The following MET variants were observed in gnomAD, a reference collection of about 807,000 sequenced individuals.
The protein encoded by MET is MET proto-oncogene, receptor tyrosine kinase, also known as hepatocyte growth factor receptor.
A neutral mutation model predicts 133.1 loss-of-function variants in MET; 48 were observed. The ratio of observed to expected loss-of-function variants is 0.36; its 90% CI spans 0.29 to 0.46. MET has a LOEUF of 0.46. MET is among the 20% of genes least tolerant of loss of function. The pLI is 1.00. For synonymous variants in MET, 628 were observed against 616.5 expected, an observed-to-expected ratio of 1.02 and a Z score of -0.28; for missense variants, 1,442 against 1,695.9, an observed-to-expected ratio of 0.85 and a Z score of 2.63.
Position 116,763,218 on chromosome 7 carries a change from GA to G in MET, c.2537del (p.Lys846SerfsTer3). The G allele has an allele frequency of 6.2e-7, 1 of 1,613,954 alleles. No individual in the cohort carries two copies. Among genetic ancestry groups the G allele is most frequent in the Non-Finnish European group, 8.5e-7 (1 of 1,179,964 alleles). ...YVHNPVFKPF[E>X]KPVMISMGNE... is the part of the protein sequence containing the mutation. ...ACATAATCCTGTGTTTAAGCCTTTT[GA>G]AAAGCCAGTGATGATCTCAATGGGC... On this transcript the variant is annotated frameshift_variant, in exon 11 of 21. Transcript: ENST00000397752. LOFTEE classifies it high-confidence loss of function.
chr7:116,794,736 G>A (rs1795617341), intron 19 of MET, among the ~76,000 whole-genome samples: 2 of 152,108 alleles, frequency 1.3e-5, no homozygotes, highest in Non-Finnish European at 2.9e-5. Context: ...AGTGTTGCTG[G>A]GCCAGAACTG....
intron 10 of MET, among the ~76,000 whole-genome samples, chr7:116,761,808 C>T (rs1445611867): frequency 2.0e-5 from 3 of 152,002 alleles, no homozygotes; most frequent in Non-Finnish European, 4.4e-5. Context: ...GTTTTATCTG[C>T]TGCCTATATA....
In MET at chr7:116,714,158, C is replaced by A. The variant is rs182851669; in HGVS notation, c.1200+13874C>A. Among the ~76,000 whole-genome samples the A allele has an allele frequency of 1.7e-3, 255 of 152,298 alleles. 2 individuals are homozygous for A. The highest frequency in any genetic ancestry group is 5.8e-3 in the African/African-American group (243 of 41,568). On this transcript the variant is annotated intron_variant, in intron 2 of 20. Transcript: ENST00000397752. Reference sequence around the variant, plus strand: ...AGGCTGCTAACCAAAAACACATGGACACAGTCTGTTTCAGATCTGATTCAC... The same window carrying A: ...AGGCTGCTAACCAAAAACACATGGAAACAGTCTGTTTCAGATCTGATTCAC...
In MET at chr7:116,774,969, C is replaced by A. The variant is rs575907920; in HGVS notation, c.3117C>A (p.Asp1039Glu). 6.2e-7 allele frequency: 1 copy of A among 1,614,136 alleles called. No homozygotes were observed. The highest frequency in any genetic ancestry group is 2.2e-5 in the East Asian group (1 of 44,882). ...TGTCCCCCATCCTAACTAGTGGGGA[C>A]TCTGATATATCCAGTCCATTACTGC... ...TDMSPILTSG[D>E]SDISSPLLQN... The change falls in exon 15 of 21, where the codon GAC (aspartate) becomes GAA (glutamate). Residue 1039 changes from aspartate to glutamate, a missense_variant. Asp to Glu is a conservative substitution (Grantham distance 45). Around this residue, in one of 6 missense-constraint regions of MET, gnomAD observed 514 missense variants for 659.6 expected, o/e 0.78. Transcript: ENST00000397752.
At chr7:116,698,153 A>G (rs1199164973) in intron 1 of MET, among the ~76,000 whole-genome samples, 5 of 152,238 alleles carry the variant, frequency 3.3e-5, no homozygotes, top group South Asian at 4.1e-4. Flanking sequence ...TACCCTGCCT[A>G]TAACTATTAT....
chr7:116,716,538 A>G (rs1378435496), intron 2 of MET, among the ~76,000 whole-genome samples: 1 of 150,416 alleles, frequency 6.6e-6, no homozygotes, highest in East Asian at 2.0e-4. Context: ...AGAAAGAAAG[A>G]AGATATGAAC....
intron 2 of MET, among the ~76,000 whole-genome samples, chr7:116,716,315 GAGAGAGAGAGAGAGAGAGAGAGAA>G (rs1792198474): frequency 7.0e-6 from 1 of 142,062 alleles, no homozygotes; most frequent in African/African-American, 2.6e-5. Flanking sequence ...GAGAGAGAGA[GAGAGAGAGAGAGAGAGAGAGAGAA>G]AAGAAACGGA....
intron 1 of MET, among the ~76,000 whole-genome samples, chr7:116,679,156 TCA>T (rs1796262269): frequency 6.6e-6 from 1 of 152,184 alleles, no homozygotes; most frequent in African/African-American, 2.4e-5. Context: ...GCCCAAATAT[TCA>T]TCATTTTATT....
At chr7:116,681,682 T>C (rs778425096) in intron 1 of MET, among the ~76,000 whole-genome samples, 11 of 152,242 alleles carry the variant, frequency 7.2e-5, no homozygotes, top group Non-Finnish European at 1.6e-4. Flanking sequence ...GGTGAGCCAC[T>C]TTCATCTGAT....
intron 19 of MET, among the ~76,000 whole-genome samples, chr7:116,794,579 A>G (rs551105133): frequency 1.3e-5 from 2 of 152,306 alleles, no homozygotes; most frequent in African/African-American, 2.4e-5. Context: ...GGCAGGCTTT[A>G]TTCTCCTTCT....
intron 2 of MET, among the ~76,000 whole-genome samples, chr7:116,716,506 AAAGAAAGAAAG>A (rs1792236967): frequency 6.6e-6 from 1 of 151,322 alleles, no homozygotes; most frequent in Non-Finnish European, 1.5e-5. Flanking sequence ...AGAAAGAAAG[AAAGAAAGAAAG>A]AAAGAAAGAA....
At chr7:116,774,781 T>A (rs1794940691) in intron 14 of MET, 100 bp from the exon 15 acceptor site, 2 of 893,842 alleles carry the variant, frequency 2.2e-6, no homozygotes, top group Non-Finnish European at 3.6e-6. Context: ...TTTATTATCA[T>A]TTTTATCAAA....
chr7:116,790,646 T>C (rs77408757), intron 19 of MET, among the ~76,000 whole-genome samples: 12,604 of 152,214 alleles, frequency 0.083, 1,010 homozygotes, highest in East Asian at 0.39. Context: ...GATTGCTGGA[T>C]CATATGGTAA....
chr7:116,732,819 G>A (rs1562904406), intron 3 of MET, among the ~76,000 whole-genome samples: 2 of 151,894 alleles, frequency 1.3e-5, no homozygotes, highest in Non-Finnish European at 2.9e-5. Flanking sequence ...TCTCTTTATA[G>A]CAGCCTGGAT....
intron 3 of MET, among the ~76,000 whole-genome samples, chr7:116,738,859 T>C (rs1454011180): frequency 1.3e-5 from 2 of 152,216 alleles, no homozygotes; most frequent in African/African-American, 4.8e-5. Flanking sequence ...ATTCCCATTA[T>C]ACGAATGAGA....
At chr7:116,761,194 T>A (rs1794387054) in intron 10 of MET, among the ~76,000 whole-genome samples, 1 of 152,158 alleles carries the variant, frequency 6.6e-6, no homozygotes, top group African/African-American at 2.4e-5. Context: ...GAGTTACATA[T>A]CCCAAGGATG....
chr7:116,719,753 T>C (rs1040226197), intron 2 of MET, among the ~76,000 whole-genome samples: 2 of 151,884 alleles, frequency 1.3e-5, no homozygotes, highest in African/African-American at 4.8e-5. Flanking sequence ...GGGAATCCTT[T>C]CCCCATTGCT....
intron 5 of MET, among the ~76,000 whole-genome samples, chr7:116,750,064 A>G (rs1793855942): frequency 1.3e-5 from 2 of 152,216 alleles, no homozygotes; most frequent in South Asian, 2.1e-4. Context: ...CTTTCTTCAC[A>G]GAATTAGAAA....
At chr7:116,786,336 T>A (rs537344294) in intron 19 of MET, among the ~76,000 whole-genome samples, 1 of 152,314 alleles carries the variant, frequency 6.6e-6, no homozygotes, top group Non-Finnish European at 1.5e-5. Context: ...ACATATGAAT[T>A]TCCGGGGAAC....
Sources: gnomAD v4.1 joint callset for allele counts (sites outside exome capture counted in the v4.1 genomes callset) on GRCh38, gnomAD v4.1.1 for gene constraint, gnomAD v4.1.1 regional missense constraint, MANE v1.5 for transcripts, NCBI Gene and HGNC (gene_info 2026-07-23, HGNC 2026-07-21) for gene names.